Variants in TMCO5A observed in about 807,000 individuals in gnomAD.
TMCO5A encodes transmembrane and coiled-coil domain-containing protein 5A.
A neutral mutation model predicts 42.3 loss-of-function variants in TMCO5A; 34 were observed. That is an observed-to-expected ratio of 0.80 (90% CI 0.61 to 1.07). The LOEUF (loss-of-function observed/expected upper bound fraction) is 1.07, where lower values mean the gene tolerates loss of function less well. Ranked by LOEUF, TMCO5A falls within the 50% of genes least tolerant of loss-of-function variation. The probability of loss-of-function intolerance (pLI) is 0.00; values close to 1 mark genes in which losing one functional copy is unlikely to be tolerated. For synonymous variants in TMCO5A, 131 were observed against 115.6 expected (o/e 1.13, Z -0.86); for missense variants, 357 against 327.9 (o/e 1.09, Z -0.69).
At position 37,935,074 on chromosome 15, in the gene TMCO5A, A is replaced by T. The variant is rs117840086; in HGVS notation, c.-102-183A>T. ...CCTGACTGTATCTTTAATAGGGTAT[A>T]ATCAGAACACGGGCAGAAGAATCAA... On this transcript the variant is annotated intron_variant, in intron 1 of 11. Transcript: ENST00000319669. 4.2e-3 allele frequency among the ~76,000 whole-genome samples: 634 copies of T among 152,220 alleles called. 15 individuals are homozygous for T. The East Asian group carries it at 0.057, about 14-fold the overall frequency.
At chr15:37,977,856 G>A in the TMCO5A span, among the ~76,000 whole-genome samples, 2 of 152,330 alleles carry the variant, frequency 1.3e-5, no homozygotes, top group East Asian at 1.9e-4. Context: ...GGCCTGGAGT[G>A]GGGCAGCTGT....
At chr15:37,956,982 A>G (rs1206245749) in intron 11 of TMCO5A, among the ~76,000 whole-genome samples, 1 of 152,220 alleles carries the variant, frequency 6.6e-6, no homozygotes, top group African/African-American at 2.4e-5. Context: ...AGAACCAATG[A>G]CAAAAACCAT....
chr15:37,986,462 C>T, the TMCO5A span, among the ~76,000 whole-genome samples: 111 of 147,658 alleles, frequency 7.5e-4, no homozygotes, highest in Middle Eastern at 3.5e-3. Context: ...AAAATACATA[C>T]GAAATTTTTC....
chr15:38,010,099 C>T, the TMCO5A span, among the ~76,000 whole-genome samples: 6 of 151,764 alleles, frequency 4.0e-5, no homozygotes, highest in East Asian at 7.8e-4. Context: ...CAGGTCCGGG[C>T]GCGGTGGCTC....
the TMCO5A span, among the ~76,000 whole-genome samples, chr15:38,005,137 T>G: frequency 6.6e-6 from 1 of 151,924 alleles, no homozygotes; most frequent in African/African-American, 2.4e-5. Flanking sequence ...AGTATGCCCT[T>G]GTAGGTCTTA....
intron 11 of TMCO5A, among the ~76,000 whole-genome samples, chr15:37,960,954 G>A (rs1159433308): frequency 6.6e-6 from 1 of 152,046 alleles, no homozygotes; most frequent in Non-Finnish European, 1.5e-5. Context: ...CTTGTCAGAT[G>A]TGTAGATTGC....
intron 11 of TMCO5A, among the ~76,000 whole-genome samples, chr15:37,948,904 G>T (rs1309737286): frequency 6.6e-6 from 1 of 151,978 alleles, no homozygotes; most frequent in Non-Finnish European, 1.5e-5. Context: ...TTCTAATTTT[G>T]ACCAAGGTGT....
intron 11 of TMCO5A, among the ~76,000 whole-genome samples, chr15:37,965,161 C>A (rs191270789): frequency 6.6e-6 from 1 of 151,892 alleles, no homozygotes; most frequent in Non-Finnish European, 1.5e-5. Flanking sequence ...CAAACACGGC[C>A]GAAAGACAGT....
intron 11 of TMCO5A, among the ~76,000 whole-genome samples, chr15:37,963,016 A>T (rs569384781): frequency 2.0e-5 from 3 of 151,216 alleles, no homozygotes; most frequent in African/African-American, 7.3e-5. Context: ...TATCTTTTGT[A>T]TTTCTTTTGT....
intron 9 of TMCO5A, chr15:37,942,976 C>G: frequency 5.7e-6 from 1 of 174,010 alleles, no homozygotes; most frequent in African/African-American, 2.4e-5. Flanking sequence ...TATATATAGT[C>G]CAGGGTCCTA....
chr15:37,986,258 AC>A, the TMCO5A span, among the ~76,000 whole-genome samples: 1 of 152,086 alleles, frequency 6.6e-6, no homozygotes, highest in South Asian at 2.1e-4. Context: ...CCTAGTGATT[AC>A]TCAGCTTCTG....
the TMCO5A span, among the ~76,000 whole-genome samples, chr15:37,983,358 C>G: frequency 6.6e-6 from 1 of 152,068 alleles, no homozygotes; most frequent in African/African-American, 2.4e-5. Context: ...AACCTAGGTT[C>G]TGAGTTGAAA....
chr15:38,027,640 C>T, the TMCO5A span, among the ~76,000 whole-genome samples: 1 of 151,886 alleles, frequency 6.6e-6, no homozygotes, highest in Non-Finnish European at 1.5e-5. Flanking sequence ...TTGGGTGGGG[C>T]CAGGGGCAGA....
rs1890147423 is a variant in TMCO5A at position 37,951,221 on chromosome 15, T to C, written c.854T>C (p.Met285Thr). 3.1e-6 allele frequency: 5 copies of C among 1,613,630 alleles called. No individual in the cohort carries two copies. Among genetic ancestry groups the C allele is most frequent in the Non-Finnish European group, 3.4e-6 (4 of 1,179,762 alleles). The change falls in exon 12 of 12, where the codon ATG becomes ACG. Residue 285 changes from methionine to threonine, a missense_variant. Physicochemically the swap from Met to Thr is moderately conservative, Grantham distance 81. Transcript: ENST00000319669. Reference protein sequence around the residue: ...FPSLTLETEDMLPH With the variant: ...FPSLTLETEDTLPH ...TCTCTCACACTTGAGACAGAGGACATGTTACCCCACTGATTCCCTAAGAAA... is the reference window on the plus strand; with the variant it reads ...TCTCTCACACTTGAGACAGAGGACACGTTACCCCACTGATTCCCTAAGAAA...
chr15:37,957,863 A>C (rs1890329302), intron 11 of TMCO5A, among the ~76,000 whole-genome samples: 1 of 152,226 alleles, frequency 6.6e-6, no homozygotes, highest in African/African-American at 2.4e-5. Flanking sequence ...ACAGTAACCA[A>C]AACAGCATGG....
the TMCO5A span, among the ~76,000 whole-genome samples, chr15:38,019,975 T>TG: frequency 2.0e-5 from 3 of 151,266 alleles, no homozygotes; most frequent in Non-Finnish European, 4.4e-5. Flanking sequence ...TTTTTTTTTT[T>TG]GATAAATTAA....
At chr15:38,033,957 C>T in the TMCO5A span, among the ~76,000 whole-genome samples, 1 of 152,090 alleles carries the variant, frequency 6.6e-6, no homozygotes, top group Non-Finnish European at 1.5e-5. Context: ...TAACAAAATA[C>T]CCAAGACAAA....
the TMCO5A span, among the ~76,000 whole-genome samples, chr15:38,031,959 CT>C: frequency 5.1e-3 from 728 of 141,746 alleles, 2 homozygotes; most frequent in Non-Finnish European, 5.4e-3. Flanking sequence ...AGGACAATTG[CT>C]TTTTTTTTTT....
chr15:37,941,729 A>G lies in TMCO5A; in HGVS notation c.503A>G (p.Lys168Arg). Reference sequence around the variant, plus strand: ...TGTGAAGATCAAGCCCTCTACATAAAGGTAGAGCTTCTTGGTAAAGGGATA... The same window carrying G: ...TGTGAAGATCAAGCCCTCTACATAAGGGTAGAGCTTCTTGGTAAAGGGATA... ...QLCEDQALYI[K>R]KYQETLKKIE... The change falls in exon 8 of 12, where the codon AAG (lysine) becomes AGG (arginine). Residue 168 changes from lysine (K) to arginine (R), a missense_variant and splice_region_variant. Transcript: ENST00000319669. The G allele has an allele frequency of 6.2e-7, 1 of 1,610,306 alleles. No homozygotes were observed. The highest frequency in any genetic ancestry group is 1.1e-5 in the South Asian group (1 of 90,984).
Sources: allele counts gnomAD v4.1 joint callset (sites outside exome capture counted in the v4.1 genomes callset), GRCh38; gene constraint gnomAD v4.1.1; transcripts MANE v1.5; gene names NCBI Gene and HGNC (gene_info 2026-07-23, HGNC 2026-07-21).